Variants in DMD observed in about 807,000 individuals in gnomAD.
DMD encodes dystrophin, also known as mutant dystrophin.
In DMD, 63 loss-of-function variants were observed where a neutral mutation model predicts 330.1. The observed-to-expected ratio is 0.19, with a 90% CI of 0.16 to 0.24. The LOEUF (loss-of-function observed/expected upper bound fraction) is 0.24. DMD is among the 10% of genes least tolerant of loss of function. DMD has a pLI of 1.00. For missense variants in DMD, 3,344 were observed against 2,684.1 expected (o/e 1.25, Z -5.43); for synonymous variants, 1,223 against 959.8 (o/e 1.27, Z -5.07).
intron 5 of DMD, among the ~76,000 whole-genome samples, chrX:32,817,446 C>A (rs1014171879): frequency 8.9e-6 from 1 of 112,111 alleles, no homozygotes. Flanking sequence ...TCATCTGATG[C>A]AGAAATCCAT....
At chrX:31,244,299 A>C (rs1487308813) in intron 63 of DMD, among the ~76,000 whole-genome samples, 1 of 112,053 alleles carries the variant, frequency 8.9e-6, no homozygotes, top group Non-Finnish European at 1.9e-5. Context: ...TGTGGTAGAA[A>C]ACTATTGATT....
intron 55 of DMD, among the ~76,000 whole-genome samples, chrX:31,514,103 A>T (rs1295118094): frequency 2.7e-5 from 3 of 112,151 alleles, no homozygotes. Context: ...ATGTCAGCAC[A>T]CAAAGAGCAA....
At chrX:33,034,240 T>C (rs976270694) in intron 1 of DMD, among the ~76,000 whole-genome samples, 2 of 111,600 alleles carry the variant, frequency 1.8e-5, no homozygotes. Context: ...AAGTAGAATC[T>C]CCAGAATTTC....
At chrX:31,892,472 A>C (rs2094270000) in intron 47 of DMD, among the ~76,000 whole-genome samples, 1 of 111,069 alleles carries the variant, frequency 9.0e-6, no homozygotes, top group Admixed American at 9.6e-5. Context: ...AGTACTGAAA[A>C]AAAAAAAGAA....
chrX:32,499,752 T>C (rs2043852146), intron 19 of DMD, among the ~76,000 whole-genome samples: 2 of 111,236 alleles, frequency 1.8e-5, no homozygotes, highest in African/African-American at 6.5e-5. Flanking sequence ...TTTTGGGCTC[T>C]ATACTAAAGG....
chrX:33,190,878 T>A (rs1368624849), intron 1 of DMD, among the ~76,000 whole-genome samples: 1 of 1,972 alleles, frequency 5.1e-4, no homozygotes, highest in African/African-American at 2.4e-3. Context: ...TATATATATA[T>A]AATATATAAT....
chrX:31,483,115 C>G (rs1357191110), intron 57 of DMD, among the ~76,000 whole-genome samples: 1 of 99,166 alleles, frequency 1.0e-5, no homozygotes, highest in Non-Finnish European at 2.0e-5. Context: ...GGCGCAATCT[C>G]GGCTCACTGC....
Position 31,381,172 on chromosome X carries a change from A to G in DMD, c.9085-32538T>C, listed in dbSNP as rs1320377114. On this transcript the variant is annotated intron_variant, in intron 60 of 78. Coordinates refer to ENST00000357033, the MANE Select transcript of DMD (RefSeq NM_004006.3). ...CCCCACTCCTCTTTCCATTCCTTGA[A>G]GACAGCTTTAGAGACTGCTCCCACC... 2.7e-5 allele frequency among the ~76,000 whole-genome samples: 3 copies of G among 111,155 alleles called. No homozygotes were observed. The East Asian group carries it at 8.5e-4, about 31-fold the overall frequency.
At chrX:31,624,815 C>T (rs2078751472) in intron 55 of DMD, among the ~76,000 whole-genome samples, 1 of 111,779 alleles carries the variant, frequency 8.9e-6, no homozygotes, top group Non-Finnish European at 1.9e-5. Context: ...TTTCTCCTAC[C>T]TACATATTAT....
intron 60 of DMD, among the ~76,000 whole-genome samples, chrX:31,394,264 A>C (rs1474127093): frequency 1.8e-5 from 2 of 112,433 alleles, no homozygotes; most frequent in Non-Finnish European, 3.7e-5. Flanking sequence ...TCTGATGGAA[A>C]GGTTTATGCG....
intron 1 of DMD, among the ~76,000 whole-genome samples, chrX:33,262,200 A>G: frequency 8.9e-6 from 1 of 111,893 alleles, no homozygotes; most frequent in Admixed American, 9.6e-5. Flanking sequence ...TTTTAAAGAA[A>G]TAAACAGCTT....
At chrX:32,130,143 G>A (rs897483264) in intron 44 of DMD, among the ~76,000 whole-genome samples, 2 of 110,503 alleles carry the variant, frequency 1.8e-5, no homozygotes, top group Admixed American at 9.7e-5. Context: ...AAGGGGGTGA[G>A]GACACTGAAG....
chrX:32,432,629 G>A (rs895429539), intron 29 of DMD, among the ~76,000 whole-genome samples: 1 of 112,020 alleles, frequency 8.9e-6, no homozygotes, highest in African/African-American at 3.2e-5. Flanking sequence ...GTTTGATGTT[G>A]CTTCTAACGG....
At chrX:32,641,270 C>A (rs1009059093) in intron 11 of DMD, among the ~76,000 whole-genome samples, 2 of 109,617 alleles carry the variant, frequency 1.8e-5, no homozygotes, top group African/African-American at 6.6e-5. Context: ...TGGCTGCCAG[C>A]CTCTACAGAA....
intron 2 of DMD, among the ~76,000 whole-genome samples, chrX:32,990,345 A>G (rs746007529): frequency 8.9e-6 from 1 of 112,031 alleles, no homozygotes; most frequent in Non-Finnish European, 1.9e-5. Flanking sequence ...AACAAACTCA[A>G]CATTTCTAAG....
At chrX:33,014,366 A>G (rs760659621) in intron 2 of DMD, among the ~76,000 whole-genome samples, 6 of 112,187 alleles carry the variant, frequency 5.3e-5, no homozygotes, top group East Asian at 2.8e-4. Flanking sequence ...TTACTTGGCT[A>G]TTAAGCATAT....
chrX:31,944,760 G>A (rs1190171990), intron 45 of DMD, among the ~76,000 whole-genome samples: 4 of 105,961 alleles, frequency 3.8e-5, no homozygotes, highest in Admixed American at 1.0e-4. Context: ...CGCCCGCCTC[G>A]GCCTCCCAGA....
chrX:33,101,305 A>G (rs769138625), intron 1 of DMD, among the ~76,000 whole-genome samples: 4 of 111,886 alleles, frequency 3.6e-5, no homozygotes, highest in African/African-American at 9.7e-5. Flanking sequence ...TCTGAACCCT[A>G]TTATCTATAT....
At chrX:31,457,889 G>T (rs1343080508) in intron 59 of DMD, among the ~76,000 whole-genome samples, 2 of 111,680 alleles carry the variant, frequency 1.8e-5, no homozygotes, top group Non-Finnish European at 3.8e-5. Context: ...ATTTTTAAGA[G>T]CAGTGATAAA....
Sources: allele counts gnomAD v4.1 joint callset (sites outside exome capture counted in the v4.1 genomes callset), GRCh38; gene constraint gnomAD v4.1.1; transcripts MANE v1.5; gene names NCBI Gene and HGNC (gene_info 2026-07-23, HGNC 2026-07-21).